Variants in XPNPEP3 observed in about 807,000 individuals in gnomAD.
XPNPEP3 encodes the protein X-prolyl aminopeptidase 3.
XPNPEP3 carries 41 observed loss-of-function variants against 60.0 expected under a neutral mutation model. The observed-to-expected ratio is 0.68, with a 90% confidence interval of 0.53 to 0.89. The LOEUF is 0.89. Ranked by LOEUF, XPNPEP3 falls within the 40% of genes least tolerant of loss-of-function variation. The pLI is 0.00. For missense variants in XPNPEP3, 598 were observed against 638.9 expected, an observed-to-expected ratio of 0.94 and a Z score of 0.69; for synonymous variants, 212 against 223.2, an observed-to-expected ratio of 0.95 and a Z score of 0.45.
intron 6 of XPNPEP3, among the ~76,000 whole-genome samples, chr22:40,913,135 A>G (rs2058182760): frequency 6.6e-6 from 1 of 152,164 alleles, no homozygotes; most frequent in Non-Finnish European, 1.5e-5. Flanking sequence ...AGATATACTT[A>G]AAGTTTTCTT....
At chr22:40,913,593 T>C (rs1158636441) in intron 6 of XPNPEP3, among the ~76,000 whole-genome samples, 2 of 151,934 alleles carry the variant, frequency 1.3e-5, no homozygotes, top group Admixed American at 1.3e-4. Flanking sequence ...GGTTTTTTTT[T>C]CTTAAAAAAA....
intron 6 of XPNPEP3, among the ~76,000 whole-genome samples, chr22:40,912,200 T>C (rs1213705733): frequency 6.6e-6 from 1 of 152,192 alleles, no homozygotes; most frequent in East Asian, 1.9e-4. Flanking sequence ...TATTCATAGA[T>C]AGACATTTAT....
At chr22:40,887,673 AAC>A (rs763348650) in intron 4 of XPNPEP3, among the ~76,000 whole-genome samples, 1 of 152,210 alleles carries the variant, frequency 6.6e-6, no homozygotes, top group Non-Finnish European at 1.5e-5. Context: ...TTCTGCGGGA[AAC>A]ACAATTCAGT....
At chr22:40,916,955 G>A (rs962153352) in intron 7 of XPNPEP3, among the ~76,000 whole-genome samples, 2 of 152,050 alleles carry the variant, frequency 1.3e-5, no homozygotes, top group African/African-American at 4.8e-5. Flanking sequence ...GCACATGCCT[G>A]TAGTCCCAGC....
intron 4 of XPNPEP3, among the ~76,000 whole-genome samples, chr22:40,899,817 CAA>C (rs1336628860): frequency 2.4e-4 from 13 of 54,248 alleles, no homozygotes; most frequent in African/African-American, 3.9e-4. Context: ...GACTCTATCT[CAA>C]AAAAAAAAAA....
At chr22:40,858,322 A>G (rs2057916585) in intron 1 of XPNPEP3, among the ~76,000 whole-genome samples, 2 of 151,136 alleles carry the variant, frequency 1.3e-5, no homozygotes, top group African/African-American at 4.9e-5. Context: ...GGCCAAGCTG[A>G]TCTCGAACTC....
intron 1 of XPNPEP3, chr22:40,859,946 C>A (rs1236774893): frequency 6.6e-6 from 1 of 152,126 alleles, no homozygotes; most frequent in African/African-American, 2.4e-5. Flanking sequence ...AGAAAATTTC[C>A]TGTCTGGAGT....
In XPNPEP3 at chr22:40,932,341, T is replaced by C. The variant is rs2146287128; in HGVS notation, c.*5906T>C. 1 of 152,206 alleles carries C rather than the reference T, an allele frequency of 6.6e-6. No homozygotes were observed. Among genetic ancestry groups the C allele is most frequent in the South Asian group, 2.1e-4 (1 of 4,832 alleles). The allele number at this position is 152,206 out of a possible 1,614,324, so 9.4% of individuals were successfully genotyped here. A position where few individuals can be genotyped will look rare whatever the true frequency, so the allele number is the denominator to read the frequency against. On this transcript the variant is annotated 3_prime_UTR_variant, in exon 10 of 10. Transcript: ENST00000357137. ...AGGTTTTTATGGTGTGATTGTGTTT[T>C]TTTTTTTTTAATTTTTGTTTCCTGA... is the stretch of plus-strand genomic sequence containing the variant.
rs549573133 is a variant in XPNPEP3, at chr22:40,861,457, C to T, written c.64+4212C>T. 5.0e-6 allele frequency: 8 copies of T among 1,614,158 alleles called. No homozygotes were observed. The South Asian group carries it at 5.5e-5, about 11-fold the overall frequency. ...GTAACAGATATGTAGTTGTCCATCC[C>T]ACTATTATCAAAAGCCAGGGAAGAG... On this transcript the variant is annotated intron_variant, in intron 1 of 9. Transcript: ENST00000357137.
At chr22:40,899,492 A>C (rs1251491243) in intron 4 of XPNPEP3, among the ~76,000 whole-genome samples, 1 of 152,104 alleles carries the variant, frequency 6.6e-6, no homozygotes, top group Admixed American at 6.6e-5. Context: ...AAAATGAGTC[A>C]GTTCTGCTGG....
At chr22:40,897,280 G>A (rs532260863) in intron 4 of XPNPEP3, among the ~76,000 whole-genome samples, 3 of 151,920 alleles carry the variant, frequency 2.0e-5, no homozygotes, top group Non-Finnish European at 2.9e-5. Context: ...TGCCCACCTC[G>A]GCCTCCCAAA....
chr22:40,860,670 T>A (rs1282046404), intron 1 of XPNPEP3: 23 of 1,195,030 alleles, frequency 1.9e-5, no homozygotes, highest in East Asian at 5.3e-5. Context: ...TTTTTTTTTT[T>A]AAGACAGGGT....
intron 2 of XPNPEP3, among the ~76,000 whole-genome samples, chr22:40,880,595 A>C (rs1471803767): frequency 6.6e-6 from 1 of 151,712 alleles, no homozygotes; most frequent in Non-Finnish European, 1.5e-5. Flanking sequence ...ACATTTATTG[A>C]AATAATTCAG....
chr22:40,902,112 G>A lies in XPNPEP3; in HGVS notation c.793-5475G>A, dbSNP rs947957162. ...TTTTGAGATGGAGTCTCGCTCTGTC[G>A]CCCAGGCTGGAGTGTGGTGGCGTGA... On this transcript the variant is annotated intron_variant, in intron 4 of 9. Transcript: ENST00000357137. 4.5e-4 allele frequency among the ~76,000 whole-genome samples: 59 copies of A among 132,576 alleles called. No individual in the cohort carries two copies. In the Admixed American group the frequency reaches 4.5e-3, roughly 10 times the overall value. The allele number at this position is 132,576 out of a possible 152,430, so 87.0% of individuals were successfully genotyped here.
At position 40,932,216 on chromosome 22, in the gene XPNPEP3, A is replaced by G. The variant is rs1018006071; in HGVS notation, c.*5781A>G. 6 of 152,146 alleles carry G rather than the reference A, an allele frequency of 3.9e-5. No individual in the cohort carries two copies. Among genetic ancestry groups the G allele is most frequent in the African/African-American group, 7.2e-5 (3 of 41,430 alleles). The allele number at this position is 152,146 out of a possible 1,614,324, so 9.4% of individuals were successfully genotyped here. On this transcript the variant is annotated 3_prime_UTR_variant, in exon 10 of 10. Transcript: ENST00000357137. ...GTTAGAACCTATCTGCTGTCCCTCA[A>G]CTAGTGTCTGATAGCTGAGAATGTA...
chr22:40,924,305 A>G lies in XPNPEP3; in HGVS notation c.1237-57A>G, dbSNP rs2146282078. 5 of 1,611,910 alleles carry G rather than the reference A, an allele frequency of 3.1e-6. No homozygotes were observed. In the South Asian group the frequency reaches 5.5e-5, roughly 18 times the overall value. On this transcript the variant is annotated intron_variant, in intron 8 of 9. Coordinates refer to ENST00000357137, the MANE Select transcript of XPNPEP3 (RefSeq NM_022098.4). ...ATATCTCACTGATTTATACTTGCCC[A>G]GCATTCCCTGTAAGAGGTCATTGCT...
chr22:40,868,984 T>G lies in XPNPEP3; in HGVS notation c.65-15T>G. On this transcript the variant is annotated splice_polypyrimidine_tract_variant and intron_variant, in intron 1 of 9. Transcript: ENST00000357137. ...GATCTATTGTTTCATTTCATTCTCT[T>G]TATTCTTCATTCAGGATGTATGTTG... is the stretch of plus-strand genomic sequence containing the variant. 6.3e-7 allele frequency: 1 copy of G among 1,590,448 alleles called. No individual in the cohort carries two copies. Among genetic ancestry groups the G allele is most frequent in the Non-Finnish European group, 8.6e-7 (1 of 1,158,452 alleles).
At chr22:40,872,971 A>G (rs1042513341) in intron 2 of XPNPEP3, among the ~76,000 whole-genome samples, 3 of 152,046 alleles carry the variant, frequency 2.0e-5, no homozygotes, top group Non-Finnish European at 2.9e-5. Context: ...AATTAGTTTT[A>G]GAATATGTGG....
At position 40,929,611 on chromosome 22, in the gene XPNPEP3, T is replaced by C. The variant is rs189715017; in HGVS notation, c.*3176T>C. ...TTCCAGTCAAGTTCTATAGGTGTTATTGGTAGGCAGAAAGGCTGTTGTAGA... is the reference window on the plus strand; with the variant it reads ...TTCCAGTCAAGTTCTATAGGTGTTACTGGTAGGCAGAAAGGCTGTTGTAGA... On this transcript the variant is annotated 3_prime_UTR_variant, in exon 10 of 10. Coordinates refer to ENST00000357137, the MANE Select transcript of XPNPEP3 (RefSeq NM_022098.4). 2 of 152,326 alleles carry C rather than the reference T, an allele frequency of 1.3e-5. No homozygotes were observed. Among genetic ancestry groups the C allele is most frequent in the East Asian group, 3.9e-4 (2 of 5,190 alleles). The allele number at this position is 152,326 out of a possible 1,614,324, so 9.4% of individuals were successfully genotyped here.
Sources: allele counts gnomAD v4.1 joint callset (sites outside exome capture counted in the v4.1 genomes callset), GRCh38; gene constraint gnomAD v4.1.1; transcripts MANE v1.5; gene names NCBI Gene and HGNC (gene_info 2026-07-23, HGNC 2026-07-21).